RNF122: variants seen among roughly 807,000 people sequenced by gnomAD.
RNF122 encodes the protein ring finger protein 122.
Under a neutral mutation model 24.2 loss-of-function variants are expected in RNF122, and 17 were observed. The observed-to-expected ratio is 0.70, with a 90% CI of 0.48 to 1.06. The LOEUF (loss-of-function observed/expected upper bound fraction) is 1.06, where lower values mean the gene tolerates loss of function less well. RNF122 is among the 50% of genes least tolerant of loss of function. The pLI, the probability that RNF122 is intolerant of heterozygous loss-of-function variation, is 0.00. For synonymous variants in RNF122, 65 were observed against 71.8 expected, an observed-to-expected ratio of 0.91 and a Z score of 0.48; for missense variants, 168 against 198.1, an observed-to-expected ratio of 0.85 and a Z score of 0.91.
chr8:33,566,589 G>T (rs1810627855), intron 1 of RNF122, 110 bp downstream of exon 1: 1 of 1,137,114 alleles, frequency 8.8e-7, no homozygotes, highest in Non-Finnish European at 1.3e-6. Context: ...CCCATTTCAG[G>T]AGAAACTTGG....
At chr8:33,566,117 T>G (rs974404545) in intron 1 of RNF122, among the ~76,000 whole-genome samples, 1 of 152,086 alleles carries the variant, frequency 6.6e-6, no homozygotes, top group Non-Finnish European at 1.5e-5. Flanking sequence ...CCTCCCAAAG[T>G]GCTGGGATTA....
chr8:33,553,628 T>C (rs1056643364), intron 2 of RNF122, among the ~76,000 whole-genome samples: 2 of 152,154 alleles, frequency 1.3e-5, no homozygotes, highest in Admixed American at 1.3e-4. Context: ...GATAGATGGA[T>C]GACTGACCCA....
intron 2 of RNF122, among the ~76,000 whole-genome samples, chr8:33,556,620 G>A (rs563835875): frequency 2.0e-5 from 3 of 152,106 alleles, no homozygotes; most frequent in African/African-American, 7.2e-5. Context: ...ACGGGTGTGC[G>A]GGAGTGGGCA....
chr8:33,551,144 G>A (rs1810368528), intron 3 of RNF122, 59 bp from the exon 4 acceptor site: 2 of 1,590,448 alleles, frequency 1.3e-6, no homozygotes, highest in Non-Finnish European at 1.7e-6. Context: ...GGCCAGCCAG[G>A]TAGTATCAAC....
intron 2 of RNF122, among the ~76,000 whole-genome samples, chr8:33,554,363 T>C (rs1379516428): frequency 2.6e-5 from 4 of 152,224 alleles, no homozygotes; most frequent in African/African-American, 9.6e-5. Context: ...TAGCAGATGC[T>C]GTCTTTTTCT....
At position 33,547,970 on chromosome 8, in the gene RNF122, C is replaced by T. The variant is rs74630292; in HGVS notation, c.*783G>A. The stretch of plus-strand genomic sequence containing the variant: ...ACCGTAGACACCCCCATCCCCACAC[C>T]CCTTTTGATCAAAAAAAAAAAAAAA... On this transcript the variant is annotated 3_prime_UTR_variant, in exon 6 of 6. Transcript: ENST00000256257. 0.017 allele frequency: 2,395 copies of T among 137,314 alleles called. 39 individuals are homozygous for T. The highest frequency in any genetic ancestry group is 0.029 in the Non-Finnish European group (1,859 of 64,794). The allele number at this position is 137,314 out of a possible 1,614,324, so 8.5% of individuals were successfully genotyped here.
At chr8:33,560,452 TATCCTCCAACTCCTGGCCTCAATGAG>T (rs1379469369) in intron 1 of RNF122, among the ~76,000 whole-genome samples, 2 of 152,010 alleles carry the variant, frequency 1.3e-5, no homozygotes. Flanking sequence ...TGCCTCACTG[TATCCTCCAACTCCTGGCCTCAATGAG>T]ATCCTCCTGC....
At chr8:33,552,828 G>C (rs1323668729) in intron 2 of RNF122, among the ~76,000 whole-genome samples, 1 of 152,126 alleles carries the variant, frequency 6.6e-6, no homozygotes, top group Non-Finnish European at 1.5e-5. Context: ...GGAGGCCGAG[G>C]TGGGCAGATT....
At chr8:33,564,559 T>A (rs984644677) in intron 1 of RNF122, among the ~76,000 whole-genome samples, 1 of 136,028 alleles carries the variant, frequency 7.4e-6, no homozygotes, top group Non-Finnish European at 1.5e-5. Context: ...GTTGTCGGAG[T>A]GAGACCCTCT....
At chr8:33,558,142 C>A (rs944088132) in intron 2 of RNF122, among the ~76,000 whole-genome samples, 6 of 152,066 alleles carry the variant, frequency 3.9e-5, no homozygotes, top group Non-Finnish European at 7.4e-5. Flanking sequence ...AAAACAAAAA[C>A]CAAGTAGCTC....
intron 1 of RNF122, among the ~76,000 whole-genome samples, chr8:33,565,940 G>C (rs1341814918): frequency 6.6e-6 from 1 of 152,080 alleles, no homozygotes; most frequent in Non-Finnish European, 1.5e-5. Context: ...TGCAATCTCC[G>C]CCTCCTGGGT....
intron 5 of RNF122, 106 bp from the exon 6 acceptor site, chr8:33,548,973 C>A (rs1810330920): frequency 1.2e-6 from 1 of 834,002 alleles, no homozygotes; most frequent in East Asian, 2.5e-5. Flanking sequence ...GTAATCCCAG[C>A]ACTTTGGGAG....
At chr8:33,552,981 G>C (rs565694701) in intron 2 of RNF122, among the ~76,000 whole-genome samples, 1 of 150,602 alleles carries the variant, frequency 6.6e-6, no homozygotes, top group Admixed American at 6.7e-5. Flanking sequence ...TGAGGCATAA[G>C]CATCGCTTGA....
At position 33,551,089 on chromosome 8, in the gene RNF122, A is replaced by T; in HGVS notation, c.229-4T>A. The T allele has an allele frequency of 6.2e-7, 1 of 1,614,106 alleles. No individual in the cohort carries two copies. Among genetic ancestry groups the T allele is most frequent in the Non-Finnish European group, 8.5e-7 (1 of 1,179,984 alleles). On this transcript the variant is annotated splice_polypyrimidine_tract_variant and splice_region_variant and intron_variant, in intron 3 of 5. Transcript: ENST00000256257. ...TGGCATCACCTTTAAGCACCACCTG[A>T]AAAGAAAGAGGAGGCATGATGTCCA...
chr8:33,558,547 T>C lies in RNF122; in HGVS notation c.182+68A>G, dbSNP rs112073707. 2.9e-6 allele frequency: 4 copies of C among 1,386,556 alleles called. No homozygotes were observed. In the African/African-American group the frequency reaches 4.3e-5, roughly 15 times the overall value. The allele number at this position is 1,386,556 out of a possible 1,614,324, so 85.9% of individuals were successfully genotyped here. ...CTCTGCTGTGGGACCCTCGCTCAGCTTACCCCACAACCCTGGTCTCCTCCC... is the reference window on the plus strand; with the variant it reads ...CTCTGCTGTGGGACCCTCGCTCAGCCTACCCCACAACCCTGGTCTCCTCCC... On this transcript the variant is annotated intron_variant, in intron 2 of 5. Transcript: ENST00000256257.
At chr8:33,553,255 T>C (rs1369906519) in intron 2 of RNF122, among the ~76,000 whole-genome samples, 6 of 152,060 alleles carry the variant, frequency 3.9e-5, no homozygotes, top group Admixed American at 3.3e-4. Context: ...CTACTTGTTT[T>C]TGCAGGGTCT....
intron 1 of RNF122, among the ~76,000 whole-genome samples, chr8:33,563,771 C>T (rs946141688): frequency 1.3e-5 from 2 of 152,166 alleles, no homozygotes; most frequent in African/African-American, 2.4e-5. Flanking sequence ...GTCTAACCCC[C>T]CGTTTCCTTA....
intron 5 of RNF122, among the ~76,000 whole-genome samples, chr8:33,549,126 C>A (rs1810332761): frequency 6.6e-6 from 1 of 151,246 alleles, no homozygotes; most frequent in South Asian, 2.1e-4. Flanking sequence ...GAGGCTGAGG[C>A]AGGAGAATCG....
At chr8:33,564,803 C>T (rs557862069) in intron 1 of RNF122, among the ~76,000 whole-genome samples, 2 of 150,090 alleles carry the variant, frequency 1.3e-5, no homozygotes, top group African/African-American at 2.5e-5. Context: ...ACCCGGGAGG[C>T]GGAGGTTGTG....
Sources: gnomAD v4.1 joint callset for allele counts (sites outside exome capture counted in the v4.1 genomes callset) on GRCh38, gnomAD v4.1.1 for gene constraint, MANE v1.5 for transcripts, NCBI Gene and HGNC (gene_info 2026-07-23, HGNC 2026-07-21) for gene names.